WDR86: variants seen among roughly 807,000 people sequenced by gnomAD.
WDR86 encodes the protein WD repeat domain 86.
WDR86 carries 30 observed loss-of-function variants against 36.5 expected under a neutral mutation model. The ratio of observed to expected loss-of-function variants is 0.82; its 90% CI spans 0.61 to 1.11. WDR86 has a LOEUF of 1.11. Ranked by LOEUF, WDR86 falls within the 50% of genes most tolerant of loss-of-function variation. The pLI, the probability that WDR86 is intolerant of heterozygous loss-of-function variation, is 0.00. For synonymous variants in WDR86, 255 were observed against 252.9 expected, an observed-to-expected ratio of 1.01 and a Z score of -0.08; for missense variants, 545 against 561.2, an observed-to-expected ratio of 0.97 and a Z score of 0.29.
chr7:151,379,846 G>C (rs111346185), downstream of WDR86, among the ~76,000 whole-genome samples: 286 of 152,304 alleles, frequency 1.9e-3, 4 homozygotes, highest in African/African-American at 6.5e-3. Context: ...GCATCACCAA[G>C]CAGCAGTGTC....
At position 151,401,353 on chromosome 7, in the gene WDR86, C is replaced by T. The variant is rs1480170677; in HGVS notation, c.164-1112G>A. ...ATCAACAGCAGGAGCAATCCAGGGGCACTCGCCTGCACCCTAAACCCTCTG... is the reference window on the plus strand; with the variant it reads ...ATCAACAGCAGGAGCAATCCAGGGGTACTCGCCTGCACCCTAAACCCTCTG... On this transcript the variant is annotated intron_variant, in intron 1 of 5. Coordinates refer to ENST00000334493, the MANE Select transcript of WDR86 (RefSeq NM_198285.3). This position sits in a 1 kb window ranked among gnomAD's most constrained non-coding sequence, Gnocchi z 4.3. 6.6e-6 allele frequency among the ~76,000 whole-genome samples: 1 copy of T among 152,240 alleles called. No individual in the cohort carries two copies. Among genetic ancestry groups the T allele is most frequent in the Non-Finnish European group, 1.5e-5 (1 of 68,042 alleles).
intron 3 of WDR86, among the ~76,000 whole-genome samples, chr7:151,385,622 G>A (rs1798917808): frequency 1.3e-5 from 2 of 152,208 alleles, no homozygotes; most frequent in African/African-American, 2.4e-5. Context: ...TTCACATGGG[G>A]CTTTTGCTTC....
Position 151,383,193 on chromosome 7 carries a change from G to C in WDR86, c.863-1212C>G, listed in dbSNP as rs1798735365. On this transcript the variant is annotated intron_variant, in intron 4 of 5. Coordinates refer to ENST00000334493, the MANE Select transcript of WDR86 (RefSeq NM_198285.3). Reference sequence around the variant, plus strand: ...GGCGGCGGGGTGGGGGGGGGGAGCTGGGCACAGTGGCTCACGCCTGTAATC... The same window carrying C: ...GGCGGCGGGGTGGGGGGGGGGAGCTCGGCACAGTGGCTCACGCCTGTAATC... 2.0e-5 allele frequency among the ~76,000 whole-genome samples: 3 copies of C among 151,286 alleles called. No individual in the cohort carries two copies. In the South Asian group the frequency reaches 6.3e-4, roughly 32 times the overall value.
In WDR86 at chr7:151,381,555, G is replaced by A. The variant is rs1043056540; in HGVS notation, c.*27C>T. 1 of 1,383,908 alleles carries A rather than the reference G, an allele frequency of 7.2e-7. No individual in the cohort carries two copies. The highest frequency in any genetic ancestry group is 9.3e-7 in the Non-Finnish European group (1 of 1,080,630). 85.7% of individuals were successfully genotyped at this position (1,383,908 alleles called of 1,614,324 possible). A position where few individuals can be genotyped will look rare whatever the true frequency, so the allele number is the denominator to read the frequency against. ...GCTCTGGGAGCCGCTGGGTGTCTGG[G>A]CTGGCGTCTGCAGGGGCCCCGCGGG... On this transcript the variant is annotated 3_prime_UTR_variant, in exon 6 of 6. Transcript: ENST00000334493. This position sits in a 1 kb window ranked among gnomAD's most constrained non-coding sequence, Gnocchi z 4.8.
chr7:151,381,819 C>T lies in WDR86; in HGVS notation c.966+59G>A. 2 of 1,531,782 alleles carry T rather than the reference C, an allele frequency of 1.3e-6. No homozygotes were observed. Among genetic ancestry groups the T allele is most frequent in the Non-Finnish European group, 1.8e-6 (2 of 1,133,954 alleles). 94.9% of individuals were successfully genotyped at this position (1,531,782 alleles called of 1,614,324 possible). On this transcript the variant is annotated intron_variant, in intron 5 of 5. Transcript: ENST00000334493. This position sits in a 1 kb window ranked among gnomAD's most constrained non-coding sequence, Gnocchi z 4.8. ...GACACCGCTGCCCGCGTGGATGGAT[C>T]GGGGCGGGGCACCTTCCCTCCCACG...
the WDR86 span, chr7:151,369,034 GTCTC>G: frequency 1.1e-6 from 1 of 907,424 alleles, no homozygotes; most frequent in Non-Finnish European, 1.6e-6. Flanking sequence ...TTGAGACAGA[GTCTC>G]ACTTTGTCAT....
chr7:151,405,256 TA>T lies in WDR86; in HGVS notation c.163+4170del, dbSNP rs1479412499. ...AAGTGGGAGCCGCAGCTGGAGACTC[TA>T]GGTCAGGATATGTTCCCCTCCCCCA... On this transcript the variant is annotated intron_variant, in intron 1 of 5. Coordinates refer to ENST00000334493, the MANE Select transcript of WDR86 (RefSeq NM_198285.3). The surrounding 1 kb of genome is among the most constrained non-coding windows in gnomAD (Gnocchi z 4.7). 4.0e-4 allele frequency among the ~76,000 whole-genome samples: 37 copies of T among 91,818 alleles called. No homozygotes were observed. The highest frequency in any genetic ancestry group is 1.8e-3 in the African/African-American group (33 of 18,180). The allele number at this position is 91,818 out of a possible 152,430, so 60.2% of individuals were successfully genotyped here.
rs943954508 is a variant in WDR86, at chr7:151,406,451, C to T, written c.163+2976G>A. 2.0e-5 allele frequency among the ~76,000 whole-genome samples: 3 copies of T among 152,176 alleles called. No homozygotes were observed. Among genetic ancestry groups the T allele is most frequent in the African/African-American group, 4.8e-5 (2 of 41,432 alleles). Reference sequence around the variant, plus strand: ...CCACTCTGCTCGAGAAATCCAGGACCGGCCAACCACAGGCTCTTGTGGGCC... The same window carrying T: ...CCACTCTGCTCGAGAAATCCAGGACTGGCCAACCACAGGCTCTTGTGGGCC... On this transcript the variant is annotated intron_variant, in intron 1 of 5. Transcript: ENST00000334493. This position sits in a 1 kb window ranked among gnomAD's most constrained non-coding sequence, Gnocchi z 4.4.
At chr7:151,393,522 C>A (rs1468075127) in intron 3 of WDR86, among the ~76,000 whole-genome samples, 4 of 152,172 alleles carry the variant, frequency 2.6e-5, no homozygotes, top group Admixed American at 6.5e-5. Flanking sequence ...CGTCCAGCAC[C>A]AGCCTCCACC....
chr7:151,392,307 A>C (rs1585016342), intron 3 of WDR86, among the ~76,000 whole-genome samples: 3 of 125,996 alleles, frequency 2.4e-5, no homozygotes, highest in African/African-American at 3.1e-5. Context: ...TGCCCCCTGC[A>C]CCCCCAGCCT....
chr7:151,385,105 T>C lies in WDR86; in HGVS notation c.845A>G (p.Lys282Arg). ...TCACTTACAGGTGCCCGCGTGGTAC[T>C]TGAGGGCGCTCACGTTGCGTCTGTG... is the stretch of plus-strand genomic sequence containing the variant. ...TAHRRNVSAL[K>R]YHAGTLFTGS... The change falls in exon 4 of 6, where the codon AAG becomes AGG. Residue 282 changes from lysine to arginine, a missense_variant. By Grantham distance (26) the Lys-to-Arg change is conservative. Transcript: ENST00000334493. 6.2e-7 allele frequency: 1 copy of C among 1,608,984 alleles called. No homozygotes were observed. Among genetic ancestry groups the C allele is most frequent in the Non-Finnish European group, 8.5e-7 (1 of 1,177,664 alleles).
chr7:151,377,043 G>C, downstream of WDR86: 2 of 1,540,528 alleles, frequency 1.3e-6, no homozygotes, highest in Non-Finnish European at 1.7e-6. Context: ...GTATTTTATT[G>C]TAGGAACCTC....
In WDR86 at chr7:151,409,572, C is replaced by A; in HGVS notation, c.18G>T (p.Ser6=). The A allele has an allele frequency of 7.1e-7, 1 of 1,413,696 alleles. No homozygotes were observed. The highest frequency in any genetic ancestry group is 9.2e-7 in the Non-Finnish European group (1 of 1,086,864). The allele number at this position is 1,413,696 out of a possible 1,614,324, so 87.6% of individuals were successfully genotyped here. A position where few individuals can be genotyped will look rare whatever the true frequency, so the allele number is the denominator to read the frequency against. ...GGTGGTCGGCGCAGACCCTCAGGGC[C>A]GACCCGCCGCCCCCCATCCCGCTGG... is the stretch of plus-strand genomic sequence containing the variant. The part of the protein sequence containing the change: MGGGG[S]ALRVCADHRG... Residue 6 remains serine (S), a synonymous_variant, in exon 1 of 6, where the codon TCG becomes TCT. Coordinates refer to ENST00000334493, the MANE Select transcript of WDR86 (RefSeq NM_198285.3). The surrounding 1 kb of genome is among the most constrained non-coding windows in gnomAD (Gnocchi z 5.2).
downstream of WDR86, among the ~76,000 whole-genome samples, chr7:151,380,873 C>G (rs1798516000): frequency 6.6e-6 from 1 of 151,660 alleles, no homozygotes; most frequent in Non-Finnish European, 1.5e-5. Context: ...TGCTCCCAAG[C>G]AGGGTCCCCG....
intron 1 of WDR86, among the ~76,000 whole-genome samples, chr7:151,404,251 A>C (rs1482813311): frequency 6.6e-6 from 1 of 152,182 alleles, no homozygotes. Flanking sequence ...CCATTTCTGA[A>C]CTGGGCCAGG....
At position 151,381,780 on chromosome 7, in the gene WDR86, C is replaced by T. The variant is rs747621512; in HGVS notation, c.967-34G>A. 4 of 1,493,056 alleles carry T rather than the reference C, an allele frequency of 2.7e-6. No homozygotes were observed. The African/African-American group carries it at 4.2e-5, about 16-fold the overall frequency. The allele number at this position is 1,493,056 out of a possible 1,614,324, so 92.5% of individuals were successfully genotyped here. On this transcript the variant is annotated intron_variant, in intron 5 of 5. Transcript: ENST00000334493. This position sits in a 1 kb window ranked among gnomAD's most constrained non-coding sequence, Gnocchi z 4.8. ...GCAGGGGCGGGCGTCACCGGTGACGCGGTAGGCGGGGGGGACACCGCTGCC... is the reference window on the plus strand; with the variant it reads ...GCAGGGGCGGGCGTCACCGGTGACGTGGTAGGCGGGGGGGACACCGCTGCC...
chr7:151,394,156 C>T (rs1799640587), intron 3 of WDR86, among the ~76,000 whole-genome samples: 1 of 152,200 alleles, frequency 6.6e-6, no homozygotes. Flanking sequence ...CCTCATCTCG[C>T]TGCATTTGCT....
intron 2 of WDR86, among the ~76,000 whole-genome samples, chr7:151,399,456 C>T (rs1585035492): frequency 6.6e-6 from 1 of 152,228 alleles, no homozygotes; most frequent in African/African-American, 2.4e-5. Flanking sequence ...CGCCCCTCCT[C>T]CAGTGCAGCT....
At chr7:151,376,942 AC>A, downstream of WDR86, 1 of 1,399,854 alleles carries the variant, frequency 7.1e-7, no homozygotes, top group Non-Finnish European at 9.6e-7. Context: ...GGCCACCTGG[AC>A]AGTGTGGCCA....
Sources: gnomAD v4.1 joint callset for allele counts (sites outside exome capture counted in the v4.1 genomes callset) on GRCh38, gnomAD v4.1.1 for gene constraint, Gnocchi (gnomAD v3.1) non-coding constraint, MANE v1.5 for transcripts, NCBI Gene and HGNC (gene_info 2026-07-23, HGNC 2026-07-21) for gene names.